The following ENTPD4 variants were observed in gnomAD, a reference collection of about 807,000 sequenced individuals.
ENTPD4 encodes Golgi UDPase.
Under a neutral mutation model 79.1 loss-of-function variants are expected in ENTPD4, and 60 were observed. The observed-to-expected ratio is 0.76, with a 90% CI of 0.62 to 0.94. ENTPD4 has a LOEUF of 0.94. Among genes scored for constraint, ENTPD4 ranks in the 40% least tolerant of loss-of-function variants. ENTPD4 has a pLI of 0.00. For synonymous variants in ENTPD4, 276 were observed against 292.0 expected, an observed-to-expected ratio of 0.95 and a Z score of 0.56; for missense variants, 772 against 775.1, an observed-to-expected ratio of 1.00 and a Z score of 0.05.
At chr8:23,452,064 G>A (rs577325107) in intron 1 of ENTPD4, among the ~76,000 whole-genome samples, 1 of 152,222 alleles carries the variant, frequency 6.6e-6, no homozygotes, top group East Asian at 1.9e-4. Context: ...AGGCAGAGAG[G>A]CTAAGTAACT....
chr8:23,435,439 G>C lies in ENTPD4; in HGVS notation c.1413C>G (p.Arg471=). ...GAGAGGCGTACAGTCCTCGGTCAAA[G>C]CGTTCCCGCAAAATGGACCACTTTG... is the stretch of plus-strand genomic sequence containing the variant. ...CATKWSILRE[R]FDRGLYASHA... The change falls in exon 11 of 13, where the codon CGC becomes CGG. Residue 471 remains arginine (R), a synonymous_variant. Coordinates refer to ENST00000358689, the MANE Select transcript of ENTPD4 (RefSeq NM_004901.5). 6.2e-7 allele frequency: 1 copy of C among 1,614,132 alleles called. No individual in the cohort carries two copies. Among genetic ancestry groups the C allele is most frequent in the Non-Finnish European group, 8.5e-7 (1 of 1,180,006 alleles).
At chr8:23,449,320 G>A (rs1461039542) in intron 2 of ENTPD4, among the ~76,000 whole-genome samples, 1 of 152,120 alleles carries the variant, frequency 6.6e-6, no homozygotes, top group Non-Finnish European at 1.5e-5. Context: ...AGACCAAACG[G>A]GAATGCAGTA....
At chr8:23,456,068 T>G (rs772524047) in intron 1 of ENTPD4, among the ~76,000 whole-genome samples, 3 of 152,216 alleles carry the variant, frequency 2.0e-5, no homozygotes, top group Non-Finnish European at 4.4e-5. Context: ...AAACACGGCC[T>G]TCAAAATATG....
At chr8:23,437,492 T>C (rs940961364) in intron 9 of ENTPD4, among the ~76,000 whole-genome samples, 2 of 152,104 alleles carry the variant, frequency 1.3e-5, no homozygotes, top group African/African-American at 4.8e-5. Context: ...CAGAGTCCAG[T>C]TGGATAACCT....
At chr8:23,441,445 T>C in intron 8 of ENTPD4, 124 bp downstream of exon 8, 1 of 1,499,650 alleles carries the variant, frequency 6.7e-7, no homozygotes, top group Non-Finnish European at 8.9e-7. Flanking sequence ...TCTCCTGGGT[T>C]GAGAGGCGGC....
intron 8 of ENTPD4, 164 bp from the exon 9 acceptor site, chr8:23,440,079 G>A (rs995624293): frequency 4.8e-5 from 27 of 564,852 alleles, no homozygotes; most frequent in Admixed American, 1.4e-4. Flanking sequence ...TGACAATTCT[G>A]ATTTAGGAAA....
At chr8:23,443,775 G>C (rs1563225633) in intron 6 of ENTPD4, 75 bp downstream of exon 6, 1 of 816,438 alleles carries the variant, frequency 1.2e-6, no homozygotes, top group East Asian at 2.5e-5. Flanking sequence ...GTATAACAAA[G>C]GGTACATTGG....
chr8:23,445,417 TC>T (rs750030443), intron 4 of ENTPD4, among the ~76,000 whole-genome samples: 35 of 152,200 alleles, frequency 2.3e-4, no homozygotes, highest in Non-Finnish European at 4.9e-4. Flanking sequence ...AACACCCTGC[TC>T]TGCATAACTC....
At chr8:23,441,457 C>G in intron 8 of ENTPD4, 112 bp downstream of exon 8, 1 of 1,513,428 alleles carries the variant, frequency 6.6e-7, no homozygotes, top group Non-Finnish European at 8.8e-7. Flanking sequence ...AGAGGCGGCA[C>G]CTCAGCCAGC....
intron 8 of ENTPD4, among the ~76,000 whole-genome samples, chr8:23,440,957 A>C (rs1182682957): frequency 1.3e-5 from 2 of 152,202 alleles, no homozygotes; most frequent in African/African-American, 4.8e-5. Context: ...TTGAGGGGAA[A>C]ATCCAGAAAG....
intron 1 of ENTPD4, among the ~76,000 whole-genome samples, chr8:23,456,236 T>C (rs1277748618): frequency 3.9e-5 from 6 of 152,212 alleles, no homozygotes; most frequent in Admixed American, 1.3e-4. Flanking sequence ...CAGGTCTCTC[T>C]CTTCTCTCCC....
intron 12 of ENTPD4, 35 bp downstream of exon 12, chr8:23,434,282 C>G (rs1463868085): frequency 4.4e-6 from 7 of 1,606,276 alleles, no homozygotes; most frequent in Non-Finnish European, 6.0e-6. Flanking sequence ...AGAAAAGCAT[C>G]TTTTTGATTC....
intron 1 of ENTPD4, among the ~76,000 whole-genome samples, chr8:23,454,623 A>C (rs1800921235): frequency 6.6e-6 from 1 of 152,212 alleles, no homozygotes; most frequent in African/African-American, 2.4e-5. Context: ...ATGGGGTGAG[A>C]AAGAACACAC....
chr8:23,453,219 T>C (rs913734292), intron 1 of ENTPD4, among the ~76,000 whole-genome samples: 1 of 152,242 alleles, frequency 6.6e-6, no homozygotes, highest in Non-Finnish European at 1.5e-5. Flanking sequence ...GTGTCCATAT[T>C]GTACCATGTA....
intron 10 of ENTPD4, among the ~76,000 whole-genome samples, chr8:23,436,387 C>G (rs1487449606): frequency 6.6e-6 from 1 of 151,994 alleles, no homozygotes; most frequent in Admixed American, 6.5e-5. Flanking sequence ...AGAACAGGAA[C>G]AGAATGGAGA....
intron 2 of ENTPD4, among the ~76,000 whole-genome samples, 188 bp from the exon 3 acceptor site, chr8:23,449,127 G>A (rs562053874): frequency 6.6e-6 from 1 of 152,246 alleles, no homozygotes; most frequent in East Asian, 1.9e-4. Flanking sequence ...TCATCTGAAT[G>A]AGAATCAGGC....
At chr8:23,440,222 G>A (rs941599370) in intron 8 of ENTPD4, 1 of 251,226 alleles carries the variant, frequency 4.0e-6, no homozygotes, top group Non-Finnish European at 7.6e-6. Context: ...ACATGGAAAT[G>A]TTTCTATATG....
At chr8:23,455,446 T>G (rs959204706) in intron 1 of ENTPD4, among the ~76,000 whole-genome samples, 7 of 152,226 alleles carry the variant, frequency 4.6e-5, no homozygotes, top group Non-Finnish European at 7.3e-5. Flanking sequence ...GAGAGGCTGA[T>G]GTGGAGGCTG....
intron 1 of ENTPD4, among the ~76,000 whole-genome samples, chr8:23,454,947 T>A (rs1337706914): frequency 1.3e-5 from 2 of 152,208 alleles, no homozygotes; most frequent in African/African-American, 4.8e-5. Flanking sequence ...ACCAGGGCAC[T>A]GGGAGGCAAA....
Sources: gnomAD v4.1 joint callset for allele counts (sites outside exome capture counted in the v4.1 genomes callset) on GRCh38, gnomAD v4.1.1 for gene constraint, MANE v1.5 for transcripts, NCBI Gene and HGNC (gene_info 2026-07-23, HGNC 2026-07-21) for gene names.